Variants in CDYL observed in about 807,000 individuals in gnomAD.
CDYL encodes the protein chromodomain Y-like protein.
Under a neutral mutation model 47.3 loss-of-function variants are expected in CDYL, and 8 were observed. The observed-to-expected ratio is 0.17, with a 90% confidence interval of 0.10 to 0.31. CDYL has a LOEUF of 0.31. Among genes scored for constraint, CDYL ranks in the 10% least tolerant of loss-of-function variants. The pLI is 1.00. For missense variants in CDYL, 471 were observed against 701.4 expected (o/e 0.67, Z 3.71); for synonymous variants, 266 against 265.0 (o/e 1.00, Z -0.04).
intron 1 of CDYL, among the ~76,000 whole-genome samples, chr6:4,885,633 C>G (rs1401639592): frequency 6.6e-6 from 1 of 152,218 alleles, no homozygotes; most frequent in Non-Finnish European, 1.5e-5. Flanking sequence ...TGGTAGTTTG[C>G]AAGCAGGTAA....
intron 3 of CDYL, among the ~76,000 whole-genome samples, chr6:4,748,787 G>T (rs1757940138): frequency 1.3e-5 from 2 of 152,174 alleles, no homozygotes; most frequent in South Asian, 2.1e-4. Flanking sequence ...AAAAAGCCAA[G>T]AAGTATCTTA....
chr6:4,814,519 AT>A (rs1382844598), intron 1 of CDYL, among the ~76,000 whole-genome samples: 2 of 152,000 alleles, frequency 1.3e-5, no homozygotes, highest in Non-Finnish European at 2.9e-5. Context: ...CAAATTTAGT[AT>A]TTTGTTATTG....
intron 3 of CDYL, among the ~76,000 whole-genome samples, chr6:4,770,332 T>TG (rs1384238933): frequency 6.6e-6 from 1 of 152,140 alleles, no homozygotes; most frequent in Non-Finnish European, 1.5e-5. Flanking sequence ...CCTGATGAAG[T>TG]TTAGCTTCCC....
chr6:4,711,669 T>C (rs1757155142), intron 1 of CDYL, among the ~76,000 whole-genome samples: 1 of 152,096 alleles, frequency 6.6e-6, no homozygotes, highest in South Asian at 2.1e-4. Flanking sequence ...CACCAAAGGC[T>C]GAGTTTGTCT....
intron 1 of CDYL, among the ~76,000 whole-genome samples, chr6:4,852,476 C>G (rs1760870157): frequency 9.5e-6 from 1 of 105,656 alleles, no homozygotes; most frequent in Non-Finnish European, 1.9e-5. Flanking sequence ...TCCAATCTTC[C>G]TTCCTTCCTT....
rs1361622873 is a variant in CDYL at position 4,954,769 on chromosome 6, C to G, written c.*713C>G. The stretch of plus-strand genomic sequence containing the variant: ...TGTCTCTAGAAGAAAGCTTGTTTTG[C>G]AGTATTAGTGAATCACTGAATAGCT... On this transcript the variant is annotated 3_prime_UTR_variant, in exon 7 of 7. Transcript: ENST00000397588. 1 of 152,176 alleles carries G rather than the reference C, an allele frequency of 6.6e-6. No individual in the cohort carries two copies. The highest frequency in any genetic ancestry group is 1.5e-5 in the Non-Finnish European group (1 of 68,036). 9.4% of individuals were successfully genotyped at this position (152,176 alleles called of 1,614,324 possible).
At chr6:4,806,176 G>A (rs1210827990) in intron 1 of CDYL, among the ~76,000 whole-genome samples, 3 of 152,196 alleles carry the variant, frequency 2.0e-5, no homozygotes, top group East Asian at 1.9e-4. Flanking sequence ...CCGACCCACC[G>A]GCTGTGCCAC....
chr6:4,874,815 G>A (rs1256401732), intron 1 of CDYL, among the ~76,000 whole-genome samples: 2 of 152,168 alleles, frequency 1.3e-5, no homozygotes, highest in African/African-American at 2.4e-5. Flanking sequence ...CAGTCATATA[G>A]TATGTACTTG....
chr6:4,791,905 C>G (rs1013050415), intron 1 of CDYL, among the ~76,000 whole-genome samples: 1 of 142,974 alleles, frequency 7.0e-6, no homozygotes, highest in African/African-American at 2.6e-5. Flanking sequence ...TTTTTTGAGA[C>G]GGAGTCTTGC....
intron 1 of CDYL, among the ~76,000 whole-genome samples, chr6:4,799,324 G>C (rs1759160162): frequency 6.6e-6 from 1 of 152,000 alleles, no homozygotes; most frequent in Non-Finnish European, 1.5e-5. Flanking sequence ...CCCAGTATAT[G>C]GTCTGTCTTG....
chr6:4,831,513 G>C (rs1760143471), intron 1 of CDYL, among the ~76,000 whole-genome samples: 1 of 152,210 alleles, frequency 6.6e-6, no homozygotes, highest in Admixed American at 6.5e-5. Context: ...CAGGTGGCGT[G>C]ATGCCTCCAG....
chr6:4,925,731 T>G (rs1050068934), intron 2 of CDYL, among the ~76,000 whole-genome samples: 1 of 152,100 alleles, frequency 6.6e-6, no homozygotes, highest in Non-Finnish European at 1.5e-5. Context: ...AGAGTAGGCA[T>G]GGATGAGTAG....
intron 2 of CDYL, among the ~76,000 whole-genome samples, chr6:4,932,935 C>G (rs74407430): frequency 6.6e-6 from 1 of 152,164 alleles, no homozygotes; most frequent in Non-Finnish European, 1.5e-5. Flanking sequence ...CCACTCTTCA[C>G]GCCATAGTGA....
intron 2 of CDYL, among the ~76,000 whole-genome samples, chr6:4,728,511 A>G (rs969221514): frequency 2.0e-5 from 3 of 152,194 alleles, no homozygotes; most frequent in Admixed American, 6.5e-5. Context: ...GCTGAACTGA[A>G]AAATGGAAAA....
rs190899325 is a variant in CDYL at position 4,794,800 on chromosome 6, G to A, written c.24+17993G>A. On this transcript the variant is annotated intron_variant, in intron 1 of 6. Transcript: ENST00000397588. ...TTTTGTTGTTGTTGTTGTTGGTCTCGTTGATGGAAAAGCAGTTGGTTAATG... is the reference window on the plus strand; with the variant it reads ...TTTTGTTGTTGTTGTTGTTGGTCTCATTGATGGAAAAGCAGTTGGTTAATG... 1.7e-3 allele frequency among the ~76,000 whole-genome samples: 253 copies of A among 152,198 alleles called. 2 individuals are homozygous for A. Among genetic ancestry groups the A allele is most frequent in the Non-Finnish European group, 2.4e-3 (163 of 68,014 alleles).
At chr6:4,859,143 T>C (rs1761093032) in intron 1 of CDYL, among the ~76,000 whole-genome samples, 1 of 152,288 alleles carries the variant, frequency 6.6e-6, no homozygotes, top group South Asian at 2.1e-4. Flanking sequence ...TGGCAGTTCT[T>C]TTACTAAGCT....
chr6:4,892,507 A>T, intron 2 of CDYL, 128 bp downstream of exon 2: 1 of 977,184 alleles, frequency 1.0e-6, no homozygotes, highest in Non-Finnish European at 1.5e-6. Flanking sequence ...CCTTGCAGAG[A>T]TTTCGCCTTC....
intron 1 of CDYL, among the ~76,000 whole-genome samples, chr6:4,825,909 AACAAC>A (rs1759969783): frequency 6.6e-6 from 1 of 151,910 alleles, no homozygotes; most frequent in Admixed American, 6.6e-5. Context: ...GACTGCCCAT[AACAAC>A]ACACTGCCTT....
In CDYL at chr6:4,752,781, T is replaced by C. The variant is rs192789020; in HGVS notation, c.186+17937T>C. Among the ~76,000 whole-genome samples the C allele has an allele frequency of 2.0e-3, 303 of 152,146 alleles. 3 individuals are homozygous for C. Among genetic ancestry groups the C allele is most frequent in the African/African-American group, 6.9e-3 (285 of 41,498 alleles). ...CATCACATGGCGGCGAGGACCAAAT[T>C]AGACACCCTGGGAGCTTGCAATGGA... On this transcript the variant is annotated intron_variant, in intron 3 of 8. Transcript: ENST00000328908.
Sources: gnomAD v4.1 joint callset for allele counts (sites outside exome capture counted in the v4.1 genomes callset) on GRCh38, gnomAD v4.1.1 for gene constraint, MANE v1.5 for transcripts, NCBI Gene and HGNC (gene_info 2026-07-23, HGNC 2026-07-21) for gene names.